The following SPAG16 variants were observed in gnomAD, a reference collection of about 807,000 sequenced individuals.
SPAG16 encodes the protein sperm-associated antigen 16 protein.
In SPAG16, 86 loss-of-function variants were observed where a neutral mutation model predicts 80.4. The observed-to-expected ratio is 1.07, with a 90% CI of 0.90 to 1.28. SPAG16 has a LOEUF of 1.28. SPAG16 is among the 50% of genes most tolerant of loss of function. The pLI is 0.00. For missense variants in SPAG16, 870 were observed against 765.3 expected, an observed-to-expected ratio of 1.14 and a Z score of -1.61; for synonymous variants, 294 against 265.9, an observed-to-expected ratio of 1.11 and a Z score of -1.03.
chr2:214,132,657 A>C (rs562744110), intron 14 of SPAG16, among the ~76,000 whole-genome samples: 18 of 152,364 alleles, frequency 1.2e-4, no homozygotes, highest in African/African-American at 4.3e-4. Context: ...TGAGTATCCC[A>C]GTCAGTGGAA....
chr2:213,702,115 C>A (rs140073103), intron 10 of SPAG16, among the ~76,000 whole-genome samples: 2 of 152,042 alleles, frequency 1.3e-5, no homozygotes, highest in African/African-American at 2.4e-5. Context: ...CACCAATCAG[C>A]GCTCTGTGTC....
intron 15 of SPAG16, among the ~76,000 whole-genome samples, chr2:214,197,112 C>T (rs1056408953): frequency 1.3e-5 from 2 of 151,856 alleles, no homozygotes; most frequent in Non-Finnish European, 2.9e-5. Flanking sequence ...AAAGTTAGGG[C>T]AATTAACCTG....
intron 15 of SPAG16, among the ~76,000 whole-genome samples, chr2:214,248,410 C>T (rs1330830745): frequency 6.6e-6 from 1 of 151,544 alleles, no homozygotes; most frequent in African/African-American, 2.4e-5. Context: ...TTCCACTCCC[C>T]AGGTTCAGGC....
intron 11 of SPAG16, among the ~76,000 whole-genome samples, chr2:213,924,426 A>T (rs1269593222): frequency 6.6e-6 from 1 of 152,126 alleles, no homozygotes; most frequent in Non-Finnish European, 1.5e-5. Flanking sequence ...TCCCAGACAG[A>T]TAGCTTTGCT....
chr2:213,772,753 A>G (rs2069329244), intron 10 of SPAG16, among the ~76,000 whole-genome samples: 1 of 152,170 alleles, frequency 6.6e-6, no homozygotes, highest in Admixed American at 6.5e-5. Context: ...ATTTCTATAA[A>G]AAAGCCTATG....
chr2:213,680,122 A>T (rs2064303596), intron 10 of SPAG16, among the ~76,000 whole-genome samples: 1 of 152,170 alleles, frequency 6.6e-6, no homozygotes, highest in African/African-American at 2.4e-5. Flanking sequence ...GAGGCTTCAT[A>T]GTGTCAAGAG....
chr2:214,175,257 A>C lies in SPAG16; in HGVS notation c.1720+25991A>C, dbSNP rs958960744. On this transcript the variant is annotated intron_variant, in intron 15 of 15. Transcript: ENST00000331683. The stretch of plus-strand genomic sequence containing the variant: ...TATATAAAGAAATGTATATATATAT[A>C]TAAAGAAATGTATATATATAAAGAA... Among the ~76,000 whole-genome samples, 8 of 146,598 alleles carry C rather than the reference A, an allele frequency of 5.5e-5. No homozygotes were observed. The East Asian group carries it at 1.4e-3, about 25-fold the overall frequency.
rs116357095 is a variant in SPAG16 at position 214,213,843 on chromosome 2, A to G, written c.1720+64577A>G. 5.0e-3 allele frequency among the ~76,000 whole-genome samples: 763 copies of G among 152,322 alleles called. 5 individuals carry two copies. The highest frequency in any genetic ancestry group is 0.017 in the African/African-American group (722 of 41,574). On this transcript the variant is annotated intron_variant, in intron 15 of 15. Coordinates refer to ENST00000331683, the MANE Select transcript of SPAG16 (RefSeq NM_024532.5). Reference sequence around the variant, plus strand: ...TAGGTGAAGGTGCTACCTCTGCTTTACAGTTGGACCATAAAGGTCATGGCC... The same window carrying G: ...TAGGTGAAGGTGCTACCTCTGCTTTGCAGTTGGACCATAAAGGTCATGGCC...
intron 11 of SPAG16, 84 bp downstream of exon 11, chr2:213,862,712 A>G: frequency 1.3e-6 from 2 of 1,482,484 alleles, no homozygotes; most frequent in South Asian, 2.4e-5. Context: ...GCTGTCTTTG[A>G]TGATGTTTTT....
At chr2:214,111,750 T>C (rs1169665970) in intron 14 of SPAG16, among the ~76,000 whole-genome samples, 1 of 148,710 alleles carries the variant, frequency 6.7e-6, no homozygotes, top group East Asian at 2.0e-4. Flanking sequence ...ATTCTTCCTA[T>C]CCGTGACCAT....
At chr2:213,858,482 A>G (rs1392378591) in intron 10 of SPAG16, among the ~76,000 whole-genome samples, 28 of 152,220 alleles carry the variant, frequency 1.8e-4, no homozygotes, top group Non-Finnish European at 2.4e-4. Context: ...TAGACATAAT[A>G]CTATTATATA....
At chr2:214,350,740 T>C (rs538345656) in intron 15 of SPAG16, among the ~76,000 whole-genome samples, 9 of 152,104 alleles carry the variant, frequency 5.9e-5, no homozygotes, top group Non-Finnish European at 1.0e-4. Flanking sequence ...GATCCCACCA[T>C]AGTAATAAGC....
At position 213,805,209 on chromosome 2, in the gene SPAG16, C is replaced by T. The variant is rs183418349; in HGVS notation, c.1071-57276C>T. Reference sequence around the variant, plus strand: ...TGTCTGATATGAAAGAAGAAGAGCACACATAGAAAGGGCTCCCAGGTAAAC... The same window carrying T: ...TGTCTGATATGAAAGAAGAAGAGCATACATAGAAAGGGCTCCCAGGTAAAC... On this transcript the variant is annotated intron_variant, in intron 10 of 15. Transcript: ENST00000331683. Among the ~76,000 whole-genome samples, 137 of 152,140 alleles carry T rather than the reference C, an allele frequency of 9.0e-4. 2 individuals are homozygous for T. The highest frequency in any genetic ancestry group is 7.8e-3 in the Admixed American group (120 of 15,296).
chr2:213,435,103 A>G (rs572246072), intron 9 of SPAG16, among the ~76,000 whole-genome samples: 82 of 152,258 alleles, frequency 5.4e-4, no homozygotes, highest in Non-Finnish European at 4.6e-4. Context: ...TAATGTACAT[A>G]TTTTCTTTAT....
At position 213,572,612 on chromosome 2, in the gene SPAG16, C is replaced by G. The variant is rs891396582; in HGVS notation, c.1070+82522C>G. The stretch of plus-strand genomic sequence containing the variant: ...CGGCGGGTTCTCAGATCTCCAGCTG[C>G]GTGCTGGGAGAACCACTGCTCTCTT... On this transcript the variant is annotated intron_variant, in intron 10 of 15. Transcript: ENST00000331683. Among the ~76,000 whole-genome samples the G allele has an allele frequency of 3.3e-5, 5 of 152,248 alleles. 1 individual carries two copies. Among genetic ancestry groups the G allele is most frequent in the African/African-American group, 1.2e-4 (5 of 41,528 alleles).
intron 10 of SPAG16, among the ~76,000 whole-genome samples, chr2:213,527,777 T>C (rs1021840663): frequency 6.6e-5 from 10 of 152,122 alleles, no homozygotes; most frequent in Admixed American, 3.3e-4. Context: ...AGGAGATACA[T>C]GAAATATACA....
chr2:214,286,509 G>T (rs114302794), intron 15 of SPAG16, among the ~76,000 whole-genome samples: 2 of 152,178 alleles, frequency 1.3e-5, no homozygotes, highest in African/African-American at 4.8e-5. Context: ...CACTTTGTGA[G>T]GCTAAGGTGG....
At chr2:213,929,323 A>G (rs1057152051) in intron 11 of SPAG16, among the ~76,000 whole-genome samples, 1 of 151,902 alleles carries the variant, frequency 6.6e-6, no homozygotes, top group African/African-American at 2.4e-5. Flanking sequence ...CCTGACGCCT[A>G]CCCATTTCTT....
intron 10 of SPAG16, among the ~76,000 whole-genome samples, chr2:213,802,121 C>T (rs1475461149): frequency 6.6e-6 from 1 of 152,126 alleles, no homozygotes; most frequent in Admixed American, 6.6e-5. Context: ...TGAGATTATA[C>T]AGTTGTTTTT....
Sources: allele counts gnomAD v4.1 joint callset (sites outside exome capture counted in the v4.1 genomes callset), GRCh38; gene constraint gnomAD v4.1.1; transcripts MANE v1.5; gene names NCBI Gene and HGNC (gene_info 2026-07-23, HGNC 2026-07-21).